PDSS2: variants seen among roughly 807,000 people sequenced by gnomAD.
PDSS2 encodes the protein all trans-polyprenyl-diphosphate synthase PDSS2.
In PDSS2, 31 loss-of-function variants were observed where a neutral mutation model predicts 44.5. The ratio of observed to expected loss-of-function variants is 0.70; its 90% CI spans 0.52 to 0.94. The LOEUF (loss-of-function observed/expected upper bound fraction) is 0.94, where lower values mean the gene tolerates loss of function less well. Ranked by LOEUF, PDSS2 falls within the 40% of genes least tolerant of loss-of-function variation. The pLI is 0.00. For missense variants in PDSS2, 452 were observed against 482.2 expected (o/e 0.94, Z 0.59); for synonymous variants, 157 against 180.3 (o/e 0.87, Z 1.03).
In PDSS2 at chr6:107,193,860, AAAG is replaced by A. The variant is rs753218835; in HGVS notation, c.1009-9_1009-7del. 29 of 1,566,598 alleles carry A rather than the reference AAAG, an allele frequency of 1.9e-5. No individual in the cohort carries two copies. In the African/African-American group the frequency reaches 3.6e-4, roughly 20 times the overall value. On this transcript the variant is annotated splice_region_variant and splice_polypyrimidine_tract_variant and intron_variant, in intron 6 of 7. Transcript: ENST00000369037. ...AATCTTCCTTTTTCTTGAGCCTACA[AAAG>A]AAGAGGGGAAAATTAATTTGTTACT...
intron 1 of PDSS2, among the ~76,000 whole-genome samples, chr6:107,446,089 G>A (rs564051850): frequency 1.3e-5 from 2 of 152,102 alleles, no homozygotes; most frequent in South Asian, 2.1e-4. Context: ...AGGCCGAGGC[G>A]GGCAGATCAC....
chr6:107,249,942 T>G (rs1774757568), intron 3 of PDSS2, among the ~76,000 whole-genome samples: 1 of 152,218 alleles, frequency 6.6e-6, no homozygotes, highest in Non-Finnish European at 1.5e-5. Flanking sequence ...TTGTGATGAA[T>G]TTCTTAAATG....
At chr6:107,387,574 T>C (rs1219294154) in intron 1 of PDSS2, among the ~76,000 whole-genome samples, 2 of 152,244 alleles carry the variant, frequency 1.3e-5, no homozygotes, top group African/African-American at 4.8e-5. Flanking sequence ...GTCAAAGGTA[T>C]AACTGAAATA....
chr6:107,372,749 G>T (rs1044927503), intron 1 of PDSS2, among the ~76,000 whole-genome samples: 1 of 152,086 alleles, frequency 6.6e-6, no homozygotes. Flanking sequence ...ACTGCGCCCG[G>T]CCCTAGTATC....
chr6:107,394,760 T>C (rs1287224374), intron 1 of PDSS2, among the ~76,000 whole-genome samples: 3 of 152,198 alleles, frequency 2.0e-5, no homozygotes, highest in Non-Finnish European at 2.9e-5. Context: ...TTTCATACAT[T>C]TTACTACCTC....
chr6:107,189,267 C>T (rs1246066770), intron 7 of PDSS2, among the ~76,000 whole-genome samples: 1 of 152,120 alleles, frequency 6.6e-6, no homozygotes, highest in Non-Finnish European at 1.5e-5. Flanking sequence ...AGGCTGGTCT[C>T]GAACTCCTGA....
chr6:107,299,471 A>T lies in PDSS2; in HGVS notation c.432-25244T>A, dbSNP rs191858100. Reference sequence around the variant, plus strand: ...AGCTATTCCTGTGAACCTCTAGAGGATCTGCACCTGCTCTTCAAGCAACAA... The same window carrying T: ...AGCTATTCCTGTGAACCTCTAGAGGTTCTGCACCTGCTCTTCAAGCAACAA... On this transcript the variant is annotated intron_variant, in intron 2 of 7. Coordinates refer to ENST00000369037, the MANE Select transcript of PDSS2 (RefSeq NM_020381.4). Among the ~76,000 whole-genome samples the T allele has an allele frequency of 1.8e-3, 281 of 152,264 alleles. 5 individuals carry two copies. Among genetic ancestry groups the T allele is most frequent in the African/African-American group, 6.6e-3 (274 of 41,552 alleles).
In PDSS2 at chr6:107,429,937, T is replaced by C. The variant is rs576754066; in HGVS notation, c.296+29053A>G. The stretch of plus-strand genomic sequence containing the variant: ...ATATATATATATATATATATATATA[T>C]ACACCAAACCCAGAAAGAAAGATTT... On this transcript the variant is annotated intron_variant, in intron 1 of 7. Transcript: ENST00000369037. Among the ~76,000 whole-genome samples the C allele has an allele frequency of 2.0e-3, 202 of 99,628 alleles. 3 individuals are homozygous for C. The highest frequency in any genetic ancestry group is 6.6e-3 in the East Asian group (21 of 3,184). The allele number at this position is 99,628 out of a possible 152,430, so 65.4% of individuals were successfully genotyped here.
chr6:107,293,296 A>C (rs1426208302), intron 2 of PDSS2, among the ~76,000 whole-genome samples: 2 of 152,204 alleles, frequency 1.3e-5, no homozygotes, highest in African/African-American at 4.8e-5. Context: ...CATCTACCGA[A>C]GCAAAACGAC....
intron 2 of PDSS2, among the ~76,000 whole-genome samples, chr6:107,331,794 G>A (rs532419456): frequency 6.6e-6 from 1 of 152,060 alleles, no homozygotes; most frequent in Admixed American, 6.5e-5. Context: ...TATTTACTAT[G>A]TATCAAGTAG....
intron 4 of PDSS2, among the ~76,000 whole-genome samples, chr6:107,239,810 T>C (rs1465423267): frequency 6.6e-6 from 1 of 151,862 alleles, no homozygotes; most frequent in Non-Finnish European, 1.5e-5. Context: ...CCCAGCTAAT[T>C]TTTGTATTTT....
intron 2 of PDSS2, among the ~76,000 whole-genome samples, chr6:107,309,280 C>G (rs1231901011): frequency 6.6e-6 from 1 of 152,102 alleles, no homozygotes. Context: ...AAAACAGAGG[C>G]CTACATATTA....
At chr6:107,159,344 GAAGAAGGGA>G (rs1258877459) in intron 7 of PDSS2, among the ~76,000 whole-genome samples, 4 of 116,360 alleles carry the variant, frequency 3.4e-5, no homozygotes, top group African/African-American at 1.3e-4. Flanking sequence ...AGGAAGGAAG[GAAGAAGGGA>G]AAGAAGGGAG....
intron 2 of PDSS2, among the ~76,000 whole-genome samples, chr6:107,319,708 G>A (rs1327154362): frequency 1.3e-5 from 2 of 152,172 alleles, no homozygotes. Flanking sequence ...TTTGCATAAA[G>A]TACCTTTGAA....
intron 6 of PDSS2, among the ~76,000 whole-genome samples, chr6:107,207,139 C>A (rs1279668483): frequency 4.0e-5 from 6 of 151,396 alleles, no homozygotes; most frequent in Admixed American, 3.9e-4. Flanking sequence ...ACTACAGGCG[C>A]CCGCCACTGT....
chr6:107,265,229 AT>A (rs1775376133), intron 3 of PDSS2, among the ~76,000 whole-genome samples: 1 of 152,186 alleles, frequency 6.6e-6, no homozygotes, highest in Admixed American at 6.5e-5. Flanking sequence ...GACTCTGCTA[AT>A]TTTACCCTTG....
intron 7 of PDSS2, among the ~76,000 whole-genome samples, chr6:107,158,939 G>A (rs1298120084): frequency 6.6e-6 from 1 of 151,942 alleles, no homozygotes; most frequent in African/African-American, 2.4e-5. Context: ...ACATTGGTCA[G>A]GCTGGTCTTG....
intron 7 of PDSS2, among the ~76,000 whole-genome samples, chr6:107,174,969 C>T (rs1245075658): frequency 3.3e-5 from 5 of 152,176 alleles, no homozygotes; most frequent in African/African-American, 1.2e-4. Context: ...AATCCCAGCA[C>T]TTTGGGAGGC....
rs756043067 is a variant in PDSS2, at chr6:107,207,978, G to GTTTTTTTT, written c.1008+2453_1008+2460dup. On this transcript the variant is annotated intron_variant, in intron 6 of 7. Coordinates refer to ENST00000369037, the MANE Select transcript of PDSS2 (RefSeq NM_020381.4). Reference sequence around the variant, plus strand: ...TTTTAGTTTTCTCTGTCTATGACTTGTTTTTTTTTTTTTTTTTTTTTTTAT... The same window carrying GTTTTTTTT: ...TTTTAGTTTTCTCTGTCTATGACTTGTTTTTTTTTTTTTTTTTTTTTTTTTTTTTTTAT... Among the ~76,000 whole-genome samples the GTTTTTTTT allele has an allele frequency of 9.8e-3, 659 of 67,518 alleles. 30 individuals are homozygous for GTTTTTTTT. Among genetic ancestry groups the GTTTTTTTT allele is most frequent in the East Asian group, 0.048 (79 of 1,658 alleles). 44.3% of individuals were successfully genotyped at this position (67,518 alleles called of 152,430 possible).
Sources: allele counts gnomAD v4.1 joint callset (sites outside exome capture counted in the v4.1 genomes callset), GRCh38; gene constraint gnomAD v4.1.1; transcripts MANE v1.5; gene names NCBI Gene and HGNC (gene_info 2026-07-23, HGNC 2026-07-21).